CDH4: variants seen among roughly 807,000 people sequenced by gnomAD.
The protein encoded by CDH4 is cadherin-4.
CDH4 carries 33 observed loss-of-function variants against 86.0 expected under a neutral mutation model. The observed-to-expected ratio is 0.38, with a 90% confidence interval of 0.29 to 0.51. CDH4 has a LOEUF of 0.51. CDH4 is among the 20% of genes least tolerant of loss of function. The probability of loss-of-function intolerance (pLI) is 0.86; values close to 1 mark genes in which losing one functional copy is unlikely to be tolerated. For missense variants in CDH4, 1,114 were observed against 1,307.4 expected (o/e 0.85, Z 2.28); for synonymous variants, 555 against 549.4 (o/e 1.01, Z -0.14).
intron 2 of CDH4, among the ~76,000 whole-genome samples, chr20:61,300,944 G>C (rs553756488): frequency 7.2e-5 from 11 of 152,036 alleles, no homozygotes; most frequent in Admixed American, 4.6e-4. Flanking sequence ...TCCCTCCCCC[G>C]GCCCCTGCAG....
At chr20:61,652,949 T>A (rs1309726465) in intron 2 of CDH4, among the ~76,000 whole-genome samples, 1 of 122,452 alleles carries the variant, frequency 8.2e-6, no homozygotes, top group African/African-American at 2.8e-5. Flanking sequence ...TTTTTTTTTT[T>A]TTTTTTATTG....
rs116833619 is a variant in CDH4, at chr20:61,275,319, G to A, written c.169+20382G>A. The stretch of plus-strand genomic sequence containing the variant: ...CGTGCGCAGTTTGGGGGAGCACCGT[G>A]CGCAGTTTGGGAGAGTACCGTGCGC... On this transcript the variant is annotated intron_variant, in intron 2 of 15. Coordinates refer to ENST00000614565, the MANE Select transcript of CDH4 (RefSeq NM_001794.5). Among the ~76,000 whole-genome samples the A allele has an allele frequency of 9.7e-3, 1,273 of 131,690 alleles. 25 individuals are homozygous for A. The highest frequency in any genetic ancestry group is 0.036 in the African/African-American group (1,212 of 33,616). The allele number at this position is 131,690 out of a possible 152,430, so 86.4% of individuals were successfully genotyped here.
chr20:61,443,526 A>G (rs1160165055), intron 2 of CDH4, among the ~76,000 whole-genome samples: 1 of 152,096 alleles, frequency 6.6e-6, no homozygotes, highest in East Asian at 1.9e-4. Flanking sequence ...GTCTTGGCAT[A>G]CCTTTCTTCT....
At chr20:61,639,502 T>A (rs1424763669) in intron 2 of CDH4, among the ~76,000 whole-genome samples, 1 of 152,212 alleles carries the variant, frequency 6.6e-6, no homozygotes, top group African/African-American at 2.4e-5. Flanking sequence ...TGAAATAAAA[T>A]CATTTACGAT....
intron 2 of CDH4, among the ~76,000 whole-genome samples, chr20:61,365,467 G>A (rs1045934484): frequency 3.9e-5 from 6 of 152,106 alleles, no homozygotes; most frequent in Non-Finnish European, 8.8e-5. Context: ...GGGGTATGAG[G>A]AGCAAAGGGG....
chr20:61,387,859 C>A (rs375386200), intron 2 of CDH4, among the ~76,000 whole-genome samples: 25 of 152,314 alleles, frequency 1.6e-4, no homozygotes, highest in Non-Finnish European at 3.2e-4. Context: ...GCCCCACCCC[C>A]CTCTGGCCCC....
At chr20:61,406,023 A>G (rs912223541) in intron 2 of CDH4, among the ~76,000 whole-genome samples, 1 of 152,224 alleles carries the variant, frequency 6.6e-6, no homozygotes, top group African/African-American at 2.4e-5. Flanking sequence ...GAGTTCCTCT[A>G]TAGATCATAA....
chr20:61,745,288 G>T (rs1327682870), intron 3 of CDH4, among the ~76,000 whole-genome samples: 1 of 152,220 alleles, frequency 6.6e-6, no homozygotes, highest in Non-Finnish European at 1.5e-5. Context: ...CAAACTGTCT[G>T]ACCAAGGAAC....
chr20:61,270,239 G>A (rs758923437), intron 2 of CDH4, among the ~76,000 whole-genome samples: 35 of 152,322 alleles, frequency 2.3e-4, no homozygotes, highest in Middle Eastern at 3.4e-3. Flanking sequence ...ATTGGATTAC[G>A]CCGTATCCTA....
At chr20:61,473,155 T>C (rs2085515458) in intron 2 of CDH4, among the ~76,000 whole-genome samples, 2 of 152,224 alleles carry the variant, frequency 1.3e-5, no homozygotes, top group African/African-American at 2.4e-5. Context: ...CATTGTAATA[T>C]TTCTATCTCT....
intron 2 of CDH4, among the ~76,000 whole-genome samples, chr20:61,455,926 G>A (rs1376013387): frequency 1.3e-5 from 2 of 152,164 alleles, no homozygotes; most frequent in Non-Finnish European, 2.9e-5. Flanking sequence ...GAGAATGAAG[G>A]ATGGGTGGAT....
At chr20:61,777,614 A>T (rs1408691927) in intron 4 of CDH4, among the ~76,000 whole-genome samples, 1 of 151,798 alleles carries the variant, frequency 6.6e-6, no homozygotes, top group Non-Finnish European at 1.5e-5. Context: ...CCACATGCGC[A>T]CACACGTGCA....
intron 2 of CDH4, among the ~76,000 whole-genome samples, chr20:61,366,873 G>A (rs1376312858): frequency 2.0e-5 from 3 of 152,224 alleles, no homozygotes; most frequent in African/African-American, 4.8e-5. Context: ...TGGGGGGCTT[G>A]TTCCCAACAG....
At chr20:61,422,446 AAAAAAAAAAAAAAAAAAAAAAC>A (rs2085184208) in intron 2 of CDH4, among the ~76,000 whole-genome samples, 5 of 143,440 alleles carry the variant, frequency 3.5e-5, no homozygotes, top group African/African-American at 5.2e-5. Context: ...AAAAAAAAAA[AAAAAAAAAAAAAAAAAAAAAAC>A]CAAATCTCCC....
intron 7 of CDH4, among the ~76,000 whole-genome samples, chr20:61,884,139 A>T (rs890142848): frequency 1.3e-5 from 2 of 152,190 alleles, no homozygotes; most frequent in Middle Eastern, 6.8e-3. Flanking sequence ...GTAGAGTGAG[A>T]GGGGAGGGTC....
chr20:61,609,723 G>A (rs1246093284), intron 2 of CDH4, among the ~76,000 whole-genome samples: 2 of 152,218 alleles, frequency 1.3e-5, no homozygotes, highest in African/African-American at 2.4e-5. Flanking sequence ...TGCATGGCCT[G>A]TCTTTGCAGC....
At chr20:61,922,177 C>T (rs2054990197) in intron 9 of CDH4, among the ~76,000 whole-genome samples, 1 of 152,182 alleles carries the variant, frequency 6.6e-6, no homozygotes. Context: ...TACTCTTATG[C>T]ATATGTTACT....
intron 2 of CDH4, among the ~76,000 whole-genome samples, chr20:61,730,870 A>C (rs2104777): frequency 6.6e-6 from 1 of 151,876 alleles, no homozygotes; most frequent in Non-Finnish European, 1.5e-5. Flanking sequence ...CCACTGGGCC[A>C]TGCAGGCAGC....
chr20:61,766,338 C>T (rs2088698293), intron 3 of CDH4, among the ~76,000 whole-genome samples: 1 of 152,042 alleles, frequency 6.6e-6, no homozygotes, highest in Non-Finnish European at 1.5e-5. Flanking sequence ...CCAGCCCTAG[C>T]CCCTGAACAC....
Sources: allele counts gnomAD v4.1 joint callset (sites outside exome capture counted in the v4.1 genomes callset), GRCh38; gene constraint gnomAD v4.1.1; transcripts MANE v1.5; gene names NCBI Gene and HGNC (gene_info 2026-07-23, HGNC 2026-07-21).